Variants in FBXL13 observed in about 807,000 individuals in gnomAD.
FBXL13 encodes F-box and leucine rich repeat protein 13, also known as F-box and leucine-rich repeat protein 13.
Under a neutral mutation model 83.6 loss-of-function variants are expected in FBXL13, and 67 were observed. The observed-to-expected ratio is 0.80, with a 90% CI of 0.66 to 0.98. FBXL13 has a LOEUF of 0.98. FBXL13 is among the 50% of genes least tolerant of loss of function. The pLI is 0.00. For synonymous variants in FBXL13, 272 were observed against 299.5 expected (o/e 0.91, Z 0.95); for missense variants, 822 against 866.5 (o/e 0.95, Z 0.64).
intron 6 of FBXL13, among the ~76,000 whole-genome samples, chr7:103,012,756 A>C (rs1483315692): frequency 6.6e-6 from 1 of 152,250 alleles, no homozygotes. Flanking sequence ...ACAAGTCTGC[A>C]TAACAACCAG....
chr7:102,982,271 C>T (rs1487940253), intron 6 of FBXL13, among the ~76,000 whole-genome samples: 1 of 152,086 alleles, frequency 6.6e-6, no homozygotes, highest in African/African-American at 2.4e-5. Context: ...TCTAGGTTAG[C>T]AGCATAAGCT....
intron 2 of FBXL13, among the ~76,000 whole-genome samples, chr7:103,037,046 A>C (rs1047977789): frequency 2.0e-5 from 3 of 152,250 alleles, no homozygotes; most frequent in Admixed American, 2.0e-4. Context: ...CTAAAATGCC[A>C]TAAATAGCAG....
chr7:103,058,742 G>C (rs574907045), intron 1 of FBXL13, among the ~76,000 whole-genome samples: 63 of 152,334 alleles, frequency 4.1e-4, no homozygotes, highest in African/African-American at 1.3e-3. Context: ...CTGAGAATGA[G>C]TGCCTAAATG....
chr7:102,849,248 T>C (rs1804739576), intron 17 of FBXL13, among the ~76,000 whole-genome samples: 1 of 152,150 alleles, frequency 6.6e-6, no homozygotes, highest in Non-Finnish European at 1.5e-5. Context: ...ACCAAATAAT[T>C]TTAGTGTAAC....
At chr7:102,957,592 T>G (rs188775894) in intron 8 of FBXL13, among the ~76,000 whole-genome samples, 156 of 151,996 alleles carry the variant, frequency 1.0e-3, no homozygotes, top group African/African-American at 3.4e-3. Flanking sequence ...TCAGAGTGAA[T>G]AGGCAACCTA....
chr7:102,932,394 T>C (rs570462538), intron 8 of FBXL13, among the ~76,000 whole-genome samples: 1 of 152,220 alleles, frequency 6.6e-6, no homozygotes, highest in South Asian at 2.1e-4. Context: ...GTATTTGCTT[T>C]ATCACATATC....
At chr7:102,966,275 T>C (rs538588312) in intron 7 of FBXL13, among the ~76,000 whole-genome samples, 1 of 152,342 alleles carries the variant, frequency 6.6e-6, no homozygotes, top group African/African-American at 2.4e-5. Flanking sequence ...TACTGTTTAC[T>C]ACCCTAAGAG....
chr7:102,834,454 A>ATT (rs928033832), intron 17 of FBXL13, among the ~76,000 whole-genome samples: 13 of 103,884 alleles, frequency 1.3e-4, no homozygotes, highest in East Asian at 6.2e-4. Context: ...TATATATGTG[A>ATT]TTATATATAT....
chr7:102,908,670 C>T (rs1296766191), intron 11 of FBXL13, among the ~76,000 whole-genome samples: 1 of 152,224 alleles, frequency 6.6e-6, no homozygotes, highest in African/African-American at 2.4e-5. Context: ...AGGTACCACC[C>T]TGTTGGTCTG....
chr7:102,843,405 T>C (rs1803328043), intron 17 of FBXL13, among the ~76,000 whole-genome samples: 1 of 151,894 alleles, frequency 6.6e-6, no homozygotes, highest in African/African-American at 2.4e-5. Context: ...ATCGCACCAC[T>C]CCAGACTGGG....
chr7:102,909,005 C>T lies in FBXL13; in HGVS notation c.1008+4081G>A, dbSNP rs573660870. ...CAGGGTGGTGAGGTCCCCCAGACCC[C>T]AGGTGAGTCCTTAGGTGCCCTCTGG... On this transcript the variant is annotated intron_variant, in intron 11 of 19. Coordinates refer to ENST00000313221, the Ensembl canonical transcript of FBXL13. 1.8e-3 allele frequency among the ~76,000 whole-genome samples: 268 copies of T among 152,334 alleles called. 1 individual carries two copies. The highest frequency in any genetic ancestry group is 6.1e-3 in the African/African-American group (252 of 41,574).
intron 6 of FBXL13, among the ~76,000 whole-genome samples, chr7:102,990,968 G>T (rs1000294907): frequency 1.3e-5 from 2 of 152,178 alleles, no homozygotes; most frequent in South Asian, 4.1e-4. Flanking sequence ...TTTTAACCAG[G>T]AAGTGACATG....
At chr7:102,843,098 G>A (rs933601484) in intron 17 of FBXL13, among the ~76,000 whole-genome samples, 1 of 152,214 alleles carries the variant, frequency 6.6e-6, no homozygotes, top group African/African-American at 2.4e-5. Flanking sequence ...TATAATCTAA[G>A]AGAATGTATC....
intron 6 of FBXL13, chr7:102,973,450 T>G: frequency 1.4e-6 from 1 of 737,668 alleles, no homozygotes; most frequent in Non-Finnish European, 2.5e-6. Context: ...AATTCCTGTT[T>G]ACGGAAGACT....
intron 8 of FBXL13, among the ~76,000 whole-genome samples, chr7:102,946,650 TTTTATTTATTTA>T (rs10570570): frequency 5.5e-4 from 77 of 140,982 alleles, no homozygotes; most frequent in Non-Finnish European, 7.4e-4. Flanking sequence ...TCTATTTTTA[TTTTATTTATTTA>T]TTTATTTATT....
At chr7:102,941,713 C>CTA (rs1056675830) in intron 8 of FBXL13, among the ~76,000 whole-genome samples, 40 of 149,150 alleles carry the variant, frequency 2.7e-4, no homozygotes, top group African/African-American at 9.2e-4. Flanking sequence ...TGTAGTTTAC[C>CTA]AACTATCAAT....
At position 102,964,321 on chromosome 7, in the gene FBXL13, T is replaced by A. The variant is rs753606305; in HGVS notation, c.592-656A>T. Among the ~76,000 whole-genome samples, 89 of 138,944 alleles carry A rather than the reference T, an allele frequency of 6.4e-4. 1 individual carries two copies. The East Asian group carries it at 9.7e-3, about 15-fold the overall frequency. The allele number at this position is 138,944 out of a possible 152,430, so 91.2% of individuals were successfully genotyped here. A position where few individuals can be genotyped will look rare whatever the true frequency, so the allele number is the denominator to read the frequency against. On this transcript the variant is annotated intron_variant, in intron 7 of 19. Coordinates refer to ENST00000313221, the Ensembl canonical transcript of FBXL13. The stretch of plus-strand genomic sequence containing the variant: ...GCAAAACTCCAACTCAAAAAAAAAA[T>A]AAATAAATAGATAGAGCTAAGGAAA...
chr7:102,991,935 C>T (rs539606867), intron 6 of FBXL13, among the ~76,000 whole-genome samples: 2 of 152,302 alleles, frequency 1.3e-5, no homozygotes, highest in Admixed American at 6.5e-5. Context: ...CCTCCTACCC[C>T]TCCAGTCACC....
chr7:102,837,922 T>C (rs148639918), intron 17 of FBXL13, among the ~76,000 whole-genome samples: 271 of 152,344 alleles, frequency 1.8e-3, no homozygotes, highest in Admixed American at 2.2e-3. Flanking sequence ...TTCTTGAGGG[T>C]AGAATCCATG....
Sources: gnomAD v4.1 joint callset for allele counts (sites outside exome capture counted in the v4.1 genomes callset) on GRCh38, gnomAD v4.1.1 for gene constraint, MANE v1.5 for transcripts, NCBI Gene and HGNC (gene_info 2026-07-23, HGNC 2026-07-21) for gene names.